Variants in KCNIP3 observed in about 807,000 individuals in gnomAD.
KCNIP3 encodes the protein calsenilin.
KCNIP3 carries 28 observed loss-of-function variants against 35.0 expected under a neutral mutation model. That is an observed-to-expected ratio of 0.80 (90% CI 0.59 to 1.10). The LOEUF (loss-of-function observed/expected upper bound fraction) is 1.10, where lower values mean the gene tolerates loss of function less well. Ranked by LOEUF, KCNIP3 falls within the 50% of genes least tolerant of loss-of-function variation. The probability of loss-of-function intolerance (pLI) is 0.00; values close to 1 mark genes in which losing one functional copy is unlikely to be tolerated. For missense variants in KCNIP3, 295 were observed against 338.4 expected (o/e 0.87, Z 1.01); for synonymous variants, 134 against 133.8 (o/e 1.00, Z -0.01).
chr2:95,321,827 C>T (rs72821406), intron 2 of KCNIP3, among the ~76,000 whole-genome samples: 1,741 of 152,286 alleles, frequency 0.011, 16 homozygotes, highest in Non-Finnish European at 0.019. Context: ...AACTGTGTTA[C>T]AGGCCTGGAA....
intron 1 of KCNIP3, among the ~76,000 whole-genome samples, 188 bp downstream of exon 1, chr2:95,297,641 AGTGTCCTGGCTGGCGTTGGG>A (rs1176533206): frequency 6.7e-6 from 1 of 149,698 alleles, no homozygotes; most frequent in Non-Finnish European, 1.5e-5. Context: ...CTGGTGTTGG[AGTGTCCTGGCTGGCGTTGGG>A]GTGTCCTGGC....
chr2:95,371,907 C>T (rs1488949019), intron 2 of KCNIP3, among the ~76,000 whole-genome samples: 1 of 150,648 alleles, frequency 6.6e-6, no homozygotes, highest in Non-Finnish European at 1.5e-5. Context: ...TGGATTGAAG[C>T]GATTCTCCTG....
At chr2:95,317,689 G>A (rs1375420261) in intron 2 of KCNIP3, among the ~76,000 whole-genome samples, 1 of 152,212 alleles carries the variant, frequency 6.6e-6, no homozygotes, top group East Asian at 1.9e-4. Flanking sequence ...GACAGACCAG[G>A]AGTGGGGAGT....
intron 2 of KCNIP3, among the ~76,000 whole-genome samples, chr2:95,346,125 C>T (rs559214417): frequency 6.6e-6 from 1 of 152,242 alleles, no homozygotes; most frequent in South Asian, 2.1e-4. Flanking sequence ...AGACCAACTT[C>T]TGCATTTTCA....
At chr2:95,374,725 C>T in intron 3 of KCNIP3, 123 bp from the exon 4 acceptor site, 1 of 1,181,882 alleles carries the variant, frequency 8.5e-7, no homozygotes, top group Non-Finnish European at 1.2e-6. Flanking sequence ...CCAGGGGGCC[C>T]CAGCAGTGCC....
chr2:95,374,446 G>C, intron 3 of KCNIP3, 26 bp downstream of exon 3: 1 of 1,610,330 alleles, frequency 6.2e-7, no homozygotes, highest in Non-Finnish European at 8.5e-7. Flanking sequence ...TCCCCCGGGA[G>C]AGGCCTTGGA....
At chr2:95,366,696 T>G (rs1679927371) in intron 2 of KCNIP3, among the ~76,000 whole-genome samples, 1 of 152,132 alleles carries the variant, frequency 6.6e-6, no homozygotes, top group Non-Finnish European at 1.5e-5. Flanking sequence ...CGCCCGACAT[T>G]GTCAATATTT....
intron 2 of KCNIP3, among the ~76,000 whole-genome samples, chr2:95,363,729 A>G (rs1679855598): frequency 6.6e-6 from 1 of 152,220 alleles, no homozygotes; most frequent in African/African-American, 2.4e-5. Flanking sequence ...ATGTATTCAG[A>G]ATATCTTTCC....
At chr2:95,301,413 G>T (rs1287107820) in intron 1 of KCNIP3, among the ~76,000 whole-genome samples, 1 of 152,242 alleles carries the variant, frequency 6.6e-6, no homozygotes, top group Non-Finnish European at 1.5e-5. Context: ...TGCCTTGTTG[G>T]CTGTGAGCCC....
intron 2 of KCNIP3, among the ~76,000 whole-genome samples, chr2:95,360,419 A>G (rs902964870): frequency 6.6e-6 from 1 of 152,092 alleles, no homozygotes; most frequent in Admixed American, 6.6e-5. Flanking sequence ...AGCTCTTCTC[A>G]TCTTCTGAGC....
Position 95,382,554 on chromosome 2 carries a change from C to T in KCNIP3, c.660+73C>T, listed in dbSNP as rs955973318. On this transcript the variant is annotated intron_variant, in intron 7 of 8. Transcript: ENST00000295225. This position sits in a 1 kb window ranked among gnomAD's most constrained non-coding sequence, Gnocchi z 4.5. Reference sequence around the variant, plus strand: ...GGGGCTCTCGCTTTTGGGGCCACCCCGGGCAAGTGGCTTGCCCCTCTGAGC... The same window carrying T: ...GGGGCTCTCGCTTTTGGGGCCACCCTGGGCAAGTGGCTTGCCCCTCTGAGC... 1.3e-5 allele frequency: 14 copies of T among 1,119,382 alleles called. No individual in the cohort carries two copies. Among genetic ancestry groups the T allele is most frequent in the Admixed American group, 6.9e-5 (3 of 43,500 alleles). 69.3% of individuals were successfully genotyped at this position (1,119,382 alleles called of 1,614,324 possible).
chr2:95,332,730 GA>G (rs1469305804), intron 2 of KCNIP3, among the ~76,000 whole-genome samples: 1 of 152,314 alleles, frequency 6.6e-6, no homozygotes, highest in South Asian at 2.1e-4. Flanking sequence ...GAACTTCTCA[GA>G]ACCTTTACTA....
chr2:95,354,067 G>A (rs577595943), intron 2 of KCNIP3, among the ~76,000 whole-genome samples: 1 of 152,204 alleles, frequency 6.6e-6, no homozygotes, highest in East Asian at 1.9e-4. Context: ...GCCACTTCAC[G>A]TGGACAAGTC....
intron 2 of KCNIP3, among the ~76,000 whole-genome samples, chr2:95,318,306 C>G (rs1461299100): frequency 2.0e-5 from 3 of 152,192 alleles, no homozygotes; most frequent in African/African-American, 7.2e-5. Flanking sequence ...TGCACACTGA[C>G]TCGACCGCCC....
intron 2 of KCNIP3, among the ~76,000 whole-genome samples, chr2:95,359,855 A>G (rs1038825726): frequency 7.9e-5 from 12 of 152,352 alleles, no homozygotes; most frequent in Admixed American, 5.2e-4. Context: ...GCCAAGGAGC[A>G]CTGTGGTGGA....
At chr2:95,317,603 C>T (rs535107229) in intron 2 of KCNIP3, among the ~76,000 whole-genome samples, 2 of 152,240 alleles carry the variant, frequency 1.3e-5, no homozygotes, top group East Asian at 3.9e-4. Flanking sequence ...GAAGGACAGG[C>T]CCAGAGCGCC....
chr2:95,378,584 A>G lies in KCNIP3; in HGVS notation c.448-3012A>G, dbSNP rs1177228930. On this transcript the variant is annotated intron_variant, in intron 5 of 8. Coordinates refer to ENST00000295225, the MANE Select transcript of KCNIP3 (RefSeq NM_013434.5). This position sits in a 1 kb window ranked among gnomAD's most constrained non-coding sequence, Gnocchi z 4.0. ...ACCCCGTCTCTACTAAAAATACAAA[A>G]AAAAAAAAAAAATTAGCTGGGCATG... Among the ~76,000 whole-genome samples, 15 of 151,570 alleles carry G rather than the reference A, an allele frequency of 9.9e-5. No individual in the cohort carries two copies. The highest frequency in any genetic ancestry group is 9.9e-4 in the Admixed American group (15 of 15,208).
intron 5 of KCNIP3, among the ~76,000 whole-genome samples, 170 bp downstream of exon 5, chr2:95,375,378 T>G (rs1680159049): frequency 6.6e-6 from 1 of 151,722 alleles, no homozygotes; most frequent in Non-Finnish European, 1.5e-5. Flanking sequence ...GCCAGTGAGC[T>G]CTGGGGTGTT....
chr2:95,382,227 G>A lies in KCNIP3; in HGVS notation c.556-150G>A. The A allele has an allele frequency of 1.5e-5, 7 of 480,832 alleles. No homozygotes were observed. In the South Asian group the frequency reaches 3.0e-4, roughly 21 times the overall value. The allele number at this position is 480,832 out of a possible 1,614,324, so 29.8% of individuals were successfully genotyped here. A position where few individuals can be genotyped will look rare whatever the true frequency, so the allele number is the denominator to read the frequency against. On this transcript the variant is annotated intron_variant, in intron 6 of 8. Coordinates refer to ENST00000295225, the MANE Select transcript of KCNIP3 (RefSeq NM_013434.5). This position sits in a 1 kb window ranked among gnomAD's most constrained non-coding sequence, Gnocchi z 4.5. The stretch of plus-strand genomic sequence containing the variant: ...GTCAGAAGCTCGCTCTGGGTGCCCT[G>A]GAAGCGGACAGGCTTCTCTCTCCAG...
Sources: gnomAD v4.1 joint callset for allele counts (sites outside exome capture counted in the v4.1 genomes callset) on GRCh38, gnomAD v4.1.1 for gene constraint, Gnocchi (gnomAD v3.1) non-coding constraint, MANE v1.5 for transcripts, NCBI Gene and HGNC (gene_info 2026-07-23, HGNC 2026-07-21) for gene names.